BMP6: variants seen among roughly 807,000 people sequenced by gnomAD.
BMP6 encodes VG-1-R.
A neutral mutation model predicts 54.1 loss-of-function variants in BMP6; 17 were observed. That is an observed-to-expected ratio of 0.31 (90% CI 0.22 to 0.47). The LOEUF (loss-of-function observed/expected upper bound fraction) is 0.47. Among genes scored for constraint, BMP6 ranks in the 20% least tolerant of loss-of-function variants. The pLI is 1.00. For missense variants in BMP6, 720 were observed against 690.4 expected (o/e 1.04, Z -0.48); for synonymous variants, 328 against 291.2 (o/e 1.13, Z -1.28).
intron 4 of BMP6, among the ~76,000 whole-genome samples, chr6:7,871,862 A>AG (rs1045124962): frequency 1.3e-5 from 2 of 152,184 alleles, no homozygotes; most frequent in African/African-American, 4.8e-5. Flanking sequence ...GTGGACAGCC[A>AG]GGGGCCTGAT....
At chr6:7,769,027 AAC>A (rs1295621112) in intron 1 of BMP6, among the ~76,000 whole-genome samples, 1 of 152,232 alleles carries the variant, frequency 6.6e-6, no homozygotes, top group Non-Finnish European at 1.5e-5. Context: ...GACTAGATAC[AAC>A]AGTTCAAAAG....
At chr6:7,842,942 C>T (rs1193620480) in intron 1 of BMP6, among the ~76,000 whole-genome samples, 1 of 152,172 alleles carries the variant, frequency 6.6e-6, no homozygotes, top group East Asian at 1.9e-4. Context: ...ACAATTAGGC[C>T]TCCAAAAAGC....
chr6:7,813,111 ATATATATATATATAT>A lies in BMP6; in HGVS notation c.665-32028_665-32014del, dbSNP rs1758462474. Reference sequence around the variant, plus strand: ...CAAAAAAAAAAAAAAAAAAAAAAATATATATATATATATATATATATATATATATATATATATAAA... The same window carrying A: ...CAAAAAAAAAAAAAAAAAAAAAAATAATATATATATATATATATATATAAA... On this transcript the variant is annotated intron_variant, in intron 1 of 6. Transcript: ENST00000283147. Among the ~76,000 whole-genome samples the A allele has an allele frequency of 7.2e-4, 29 of 40,210 alleles. 2 individuals carry two copies. Among genetic ancestry groups the A allele is most frequent in the Admixed American group, 3.5e-3 (13 of 3,742 alleles). 26.4% of individuals were successfully genotyped at this position (40,210 alleles called of 152,430 possible).
intron 1 of BMP6, among the ~76,000 whole-genome samples, chr6:7,753,363 C>A (rs1472454499): frequency 9.9e-5 from 15 of 152,186 alleles, no homozygotes; most frequent in Admixed American, 9.2e-4. Flanking sequence ...TCCCTGCTAC[C>A]CAAATGTGGT....
intron 1 of BMP6, among the ~76,000 whole-genome samples, chr6:7,757,973 C>G (rs552044801): frequency 6.6e-6 from 1 of 152,322 alleles, no homozygotes; most frequent in East Asian, 1.9e-4. Context: ...GAAAGTTTGT[C>G]TATTTCAGAA....
intron 1 of BMP6, among the ~76,000 whole-genome samples, chr6:7,813,458 C>CAAAA (rs58314970): frequency 0.023 from 1,448 of 64,290 alleles, 129 homozygotes; most frequent in Non-Finnish European, 0.023. Context: ...CCTGTCTCTA[C>CAAAA]AAAAAAAAAA....
intron 4 of BMP6, among the ~76,000 whole-genome samples, chr6:7,867,554 G>T (rs1479476743): frequency 6.6e-6 from 1 of 152,216 alleles, no homozygotes; most frequent in Non-Finnish European, 1.5e-5. Context: ...GACATTCAAA[G>T]CTTGGGAAGA....
intron 4 of BMP6, 40 bp downstream of exon 4, chr6:7,862,538 T>G (rs1044416085): frequency 6.2e-7 from 1 of 1,609,318 alleles, no homozygotes; most frequent in African/African-American, 1.3e-5. Context: ...AAAGCCTTGT[T>G]GGCCTCAGTG....
At chr6:7,855,549 CTCTCTTTTTTTTT>C (rs1412056631) in intron 2 of BMP6, among the ~76,000 whole-genome samples, 2 of 115,282 alleles carry the variant, frequency 1.7e-5, no homozygotes, top group African/African-American at 6.8e-5. Flanking sequence ...CTCTCTCTCT[CTCTCTTTTTTTTT>C]TTTTTTTTTT....
At chr6:7,733,437 C>CTAAG (rs1170286611) in intron 1 of BMP6, among the ~76,000 whole-genome samples, 2 of 152,114 alleles carry the variant, frequency 1.3e-5, no homozygotes, top group African/African-American at 4.8e-5. Flanking sequence ...CAGAAACTCC[C>CTAAG]TAAGATAGGA....
chr6:7,856,614 T>TTTTTTTTTTTTTTTTTTTTTTTCGGG, intron 2 of BMP6, among the ~76,000 whole-genome samples: 1 of 95,162 alleles, frequency 1.1e-5, no homozygotes, highest in Admixed American at 1.1e-4. Flanking sequence ...TTTTTTTTTT[T>TTTTTTTTTTTTTTTTTTTTTTTCGGG]GAGACGGAGT....
At chr6:7,748,421 A>G (rs1373471571) in intron 1 of BMP6, among the ~76,000 whole-genome samples, 1 of 152,196 alleles carries the variant, frequency 6.6e-6, no homozygotes, top group Non-Finnish European at 1.5e-5. Flanking sequence ...TTATGCTAAG[A>G]GCAGGAAACC....
At chr6:7,743,946 C>T (rs1289629641) in intron 1 of BMP6, among the ~76,000 whole-genome samples, 1 of 152,212 alleles carries the variant, frequency 6.6e-6, no homozygotes, top group African/African-American at 2.4e-5. Context: ...TTTACTTCCA[C>T]ACCTTTTTGA....
intron 2 of BMP6, among the ~76,000 whole-genome samples, chr6:7,853,447 A>AC (rs1759176284): frequency 6.6e-6 from 1 of 152,152 alleles, no homozygotes; most frequent in African/African-American, 2.4e-5. Flanking sequence ...GAAAAACATT[A>AC]CCTATGGACT....
chr6:7,860,927 T>C (rs1036637305), intron 2 of BMP6, among the ~76,000 whole-genome samples: 1 of 152,160 alleles, frequency 6.6e-6, no homozygotes, highest in Non-Finnish European at 1.5e-5. Context: ...CAATCCTGTT[T>C]CTCGCTGTCT....
rs551721264 is a variant in BMP6, at chr6:7,819,502, TAAAC to T, written c.665-25636_665-25633del. Among the ~76,000 whole-genome samples, 64 of 151,738 alleles carry T rather than the reference TAAAC, an allele frequency of 4.2e-4. 1 individual carries two copies. In the East Asian group the frequency reaches 5.8e-3, roughly 14 times the overall value. On this transcript the variant is annotated intron_variant, in intron 1 of 6. Transcript: ENST00000283147. ...TGAATTTGAATTTGGCAAACGGAGA[TAAAC>T]AGGGAGAAGGAGAAGTAAAAAAGGG...
Position 7,727,491 on chromosome 6 carries a change from C to T in BMP6, c.536C>T (p.Ala179Val), listed in dbSNP as rs1415394907. The stretch of plus-strand genomic sequence containing the variant: ...CGTCGGCAGCCGCCCCCGGGCGCCG[C>T]GCACCCGCTCAACCGCAAGAGCCTT... The part of the protein sequence containing the change: ...SQRRQPPPGA[A>V]HPLNRKSLLA... The change falls in exon 1 of 7, where the codon GCG becomes GTG. Residue 179 changes from alanine (A) to valine (V), a missense_variant. By Grantham distance (64) the Ala-to-Val change is moderately conservative. Coordinates refer to ENST00000283147, the MANE Select transcript of BMP6 (RefSeq NM_001718.6). The T allele has an allele frequency of 2.5e-6, 4 of 1,594,486 alleles. No individual in the cohort carries two copies. The highest frequency in any genetic ancestry group is 1.1e-5 in the South Asian group (1 of 90,002).
At chr6:7,828,917 C>T (rs563765664) in intron 1 of BMP6, among the ~76,000 whole-genome samples, 125 of 152,312 alleles carry the variant, frequency 8.2e-4, no homozygotes, top group Non-Finnish European at 1.4e-3. Flanking sequence ...AGAGGTTGGA[C>T]GGAACCATGA....
chr6:7,840,062 A>G (rs1441859417), intron 1 of BMP6, among the ~76,000 whole-genome samples: 1 of 152,168 alleles, frequency 6.6e-6, no homozygotes, highest in Non-Finnish European at 1.5e-5. Flanking sequence ...GGCCATGCCC[A>G]CCTATGATAC....
Sources: gnomAD v4.1 joint callset for allele counts (sites outside exome capture counted in the v4.1 genomes callset) on GRCh38, gnomAD v4.1.1 for gene constraint, MANE v1.5 for transcripts, NCBI Gene and HGNC (gene_info 2026-07-23, HGNC 2026-07-21) for gene names.